Variants in PCDHA9 observed in about 807,000 individuals in gnomAD.
The protein encoded by PCDHA9 is protocadherin alpha 9, also known as protocadherin alpha-9.
Under a neutral mutation model 62.0 loss-of-function variants are expected in PCDHA9, and 62 were observed. The observed-to-expected ratio is 1.00, with a 90% CI of 0.81 to 1.23. The LOEUF (loss-of-function observed/expected upper bound fraction) is 1.23. PCDHA9 is among the 50% of genes most tolerant of loss of function. The pLI, the probability that PCDHA9 is intolerant of heterozygous loss-of-function variation, is 0.00. For synonymous variants in PCDHA9, 557 were observed against 567.6 expected (o/e 0.98, Z 0.27); for missense variants, 1,205 against 1,249.8 (o/e 0.96, Z 0.54).
intron 1 of PCDHA9, among the ~76,000 whole-genome samples, chr5:140,950,237 A>G (rs1192417956): frequency 6.6e-6 from 1 of 151,954 alleles, no homozygotes; most frequent in African/African-American, 2.4e-5. Flanking sequence ...AGTGCCATTA[A>G]TTTGTTCCTA....
intron 1 of PCDHA9, among the ~76,000 whole-genome samples, chr5:140,888,729 T>G (rs1214867910): frequency 6.6e-6 from 1 of 152,156 alleles, no homozygotes; most frequent in Admixed American, 6.5e-5. Context: ...CAGCCCTTTG[T>G]GAGCTCTAGG....
chr5:140,962,034 C>T (rs527918306), intron 1 of PCDHA9, among the ~76,000 whole-genome samples: 1 of 152,172 alleles, frequency 6.6e-6, no homozygotes, highest in South Asian at 2.1e-4. Context: ...CAGGCACCCA[C>T]CACCATGCCT....
At chr5:140,903,563 T>G (rs1459855021) in intron 1 of PCDHA9, among the ~76,000 whole-genome samples, 1 of 152,208 alleles carries the variant, frequency 6.6e-6, no homozygotes, top group African/African-American at 2.4e-5. Context: ...ATAAGTGGAA[T>G]TGGGAGCTGT....
intron 1 of PCDHA9, among the ~76,000 whole-genome samples, chr5:140,959,063 A>G (rs190067147): frequency 2.0e-5 from 3 of 152,292 alleles, no homozygotes; most frequent in Admixed American, 2.0e-4. Flanking sequence ...TGCAGTATAT[A>G]TAGAATTCAG....
At chr5:140,968,170 C>G in intron 1 of PCDHA9, 1 of 1,614,132 alleles carries the variant, frequency 6.2e-7, no homozygotes, top group Middle Eastern at 1.6e-4. Context: ...ATCCACCAAG[C>G]TTCCTGGAGG....
In PCDHA9 at chr5:140,860,044, T is replaced by C. The variant is rs116974556; in HGVS notation, c.2394+9155T>C. On this transcript the variant is annotated intron_variant, in intron 1 of 3. Coordinates refer to ENST00000532602, the MANE Select transcript of PCDHA9 (RefSeq NM_031857.2). The stretch of plus-strand genomic sequence containing the variant: ...TGGCTCACACCTGTAATCCCAGCAT[T>C]TTGAGAGGCCAAGGTGGGAGGATGG... 10 of 151,928 alleles carry C rather than the reference T, an allele frequency of 6.6e-5. No homozygotes were observed. In the East Asian group the frequency reaches 1.9e-3, roughly 29 times the overall value. 9.4% of individuals were successfully genotyped at this position (151,928 alleles called of 1,614,324 possible).
rs1234661148 is a variant in PCDHA9, at chr5:141,010,706, T to C, written c.*769T>C. 2 of 155,338 alleles carry C rather than the reference T, an allele frequency of 1.3e-5. No individual in the cohort carries two copies. Among genetic ancestry groups the C allele is most frequent in the African/African-American group, 4.8e-5 (2 of 41,492 alleles). The allele number at this position is 155,338 out of a possible 1,614,324, so 9.6% of individuals were successfully genotyped here. A position where few individuals can be genotyped will look rare whatever the true frequency, so the allele number is the denominator to read the frequency against. The stretch of plus-strand genomic sequence containing the variant: ...AGATCTGATGTGTTTCCTATACATG[T>C]CCTGTGCTCACTTTATTAAAAATTC... On this transcript the variant is annotated 3_prime_UTR_variant, in exon 4 of 4. Transcript: ENST00000532602.
intron 1 of PCDHA9, among the ~76,000 whole-genome samples, chr5:140,906,601 A>G (rs1337843589): frequency 6.6e-6 from 1 of 152,156 alleles, no homozygotes; most frequent in Non-Finnish European, 1.5e-5. Flanking sequence ...TCTACTACTC[A>G]TTCTGTATTC....
intron 1 of PCDHA9, among the ~76,000 whole-genome samples, chr5:140,947,922 C>T (rs2094193763): frequency 6.6e-6 from 1 of 151,450 alleles, no homozygotes; most frequent in Admixed American, 6.6e-5. Context: ...TTGCCTTAAC[C>T]CTGATCTTAT....
chr5:140,898,206 T>G (rs1554187858), intron 1 of PCDHA9, among the ~76,000 whole-genome samples: 2 of 152,214 alleles, frequency 1.3e-5, no homozygotes. Context: ...AGATCCCATT[T>G]GTCAATTTTG....
rs375705333 is a variant in PCDHA9 at position 140,927,955 on chromosome 5, C to T, written c.2395-50994C>T. On this transcript the variant is annotated intron_variant, in intron 1 of 3. Coordinates refer to ENST00000532602, the MANE Select transcript of PCDHA9 (RefSeq NM_031857.2). ...GAACCCAGTACCTGAGGACGCTGCC[C>T]CTGGCACAGTGATTGCTCTCTTTAG... 34 of 1,614,198 alleles carry T rather than the reference C, an allele frequency of 2.1e-5. 1 individual carries two copies. In the Middle Eastern group the frequency reaches 9.9e-4, roughly 47 times the overall value.
At chr5:140,911,168 T>C (rs1315264734) in intron 1 of PCDHA9, among the ~76,000 whole-genome samples, 1 of 152,190 alleles carries the variant, frequency 6.6e-6, no homozygotes, top group Non-Finnish European at 1.5e-5. Context: ...GTGGAAAGGC[T>C]GATGGCAGTG....
intron 3 of PCDHA9, among the ~76,000 whole-genome samples, chr5:140,985,935 T>C (rs1563529145): frequency 6.6e-6 from 1 of 151,974 alleles, no homozygotes; most frequent in African/African-American, 2.4e-5. Context: ...GAGCCGGGGT[T>C]TCACTGTGTT....
intron 1 of PCDHA9, among the ~76,000 whole-genome samples, chr5:140,954,934 T>A (rs1417357535): frequency 2.6e-5 from 4 of 152,208 alleles, no homozygotes; most frequent in African/African-American, 9.6e-5. Flanking sequence ...TTAATTAATC[T>A]TGAGTTAATT....
At chr5:140,955,240 G>A (rs2095156409) in intron 1 of PCDHA9, among the ~76,000 whole-genome samples, 1 of 152,102 alleles carries the variant, frequency 6.6e-6, no homozygotes, top group African/African-American at 2.4e-5. Flanking sequence ...TTTTGCTTAG[G>A]ATCGGCTTGG....
intron 2 of PCDHA9, among the ~76,000 whole-genome samples, chr5:140,981,637 C>A (rs1229068909): frequency 6.6e-6 from 1 of 152,150 alleles, no homozygotes; most frequent in Non-Finnish European, 1.5e-5. Context: ...TGGACATTTT[C>A]TCTTAGGATC....
At chr5:140,978,283 G>A (rs1355729190) in intron 1 of PCDHA9, among the ~76,000 whole-genome samples, 3 of 152,200 alleles carry the variant, frequency 2.0e-5, no homozygotes, top group South Asian at 2.1e-4. Context: ...CAGTGATTCA[G>A]TGAGGAGGGA....
At chr5:140,857,588 G>A (rs2044704730) in intron 1 of PCDHA9, 2 of 1,596,484 alleles carry the variant, frequency 1.3e-6, no homozygotes, top group African/African-American at 1.3e-5. Flanking sequence ...CGCGGAGAGC[G>A]GCAAGGTGTA....
rs2098413689 is a variant in PCDHA9, at chr5:141,009,672, A to G, written c.2588A>G (p.Asn863Ser). Residue 863 changes from asparagine to serine, a missense_variant, in exon 4 of 4, where the codon AAC becomes AGC. Physicochemically the swap from Asn to Ser is conservative, Grantham distance 46. This residue lies in a region of PCDHA9 where 887 missense variants were observed against 809.5 expected (regional missense o/e 1.10). Transcript: ENST00000532602. The stretch of plus-strand genomic sequence containing the variant: ...TCCCCTCCAGTCGGTGCGGGTGTCA[A>G]CAGCAACAGCTGGACCTTTAAATAC... ...EVSPPVGAGV[N>S]SNSWTFKYGP... is the part of the protein sequence containing the mutation. 6.2e-7 allele frequency: 1 copy of G among 1,614,102 alleles called. No homozygotes were observed. The highest frequency in any genetic ancestry group is 1.1e-5 in the South Asian group (1 of 91,070).
Sources: allele counts gnomAD v4.1 joint callset (sites outside exome capture counted in the v4.1 genomes callset), GRCh38; gene constraint gnomAD v4.1.1; regional missense constraint gnomAD v4.1.1; transcripts MANE v1.5; gene names NCBI Gene and HGNC (gene_info 2026-07-23, HGNC 2026-07-21).